SLC36A1: variants seen among roughly 807,000 people sequenced by gnomAD.
SLC36A1 encodes proton-coupled amino acid transporter 1.
SLC36A1 carries 30 observed loss-of-function variants against 47.5 expected under a neutral mutation model. The observed-to-expected ratio is 0.63, with a 90% CI of 0.47 to 0.86. The LOEUF is 0.86. SLC36A1 is among the 40% of genes least tolerant of loss of function. The pLI is 0.00. For synonymous variants in SLC36A1, 255 were observed against 249.7 expected (o/e 1.02, Z -0.20); for missense variants, 517 against 606.0 (o/e 0.85, Z 1.54).
chr5:151,382,812 C>A, the SLC36A1 span, among the ~76,000 whole-genome samples: 1 of 152,148 alleles, frequency 6.6e-6, no homozygotes, highest in Non-Finnish European at 1.5e-5. Flanking sequence ...GTTAGTTGAG[C>A]CATCTTTCAC....
chr5:151,550,197 T>C, the SLC36A1 span, among the ~76,000 whole-genome samples: 1 of 152,176 alleles, frequency 6.6e-6, no homozygotes, highest in Non-Finnish European at 1.5e-5. Context: ...GAGTGAGCCC[T>C]CCTTACATTT....
At chr5:151,396,166 A>T in the SLC36A1 span, among the ~76,000 whole-genome samples, 1 of 149,950 alleles carries the variant, frequency 6.7e-6, no homozygotes, top group African/African-American at 2.5e-5. Flanking sequence ...ATATATATAT[A>T]TTTTGGCACA....
downstream of SLC36A1, among the ~76,000 whole-genome samples, chr5:151,496,180 G>A (rs372962443): frequency 6.6e-5 from 10 of 152,118 alleles, no homozygotes; most frequent in East Asian, 1.9e-4. Context: ...TAAGTCTCAC[G>A]AGATCTGATG....
chr5:151,544,948 A>G, the SLC36A1 span: 16 of 1,614,192 alleles, frequency 9.9e-6, no homozygotes, highest in Middle Eastern at 1.6e-4. Context: ...GACATCCTCA[A>G]TAGAGACTCT....
At chr5:151,521,584 C>G in the SLC36A1 span, 1 of 1,614,210 alleles carries the variant, frequency 6.2e-7, no homozygotes, top group Non-Finnish European at 8.5e-7. Flanking sequence ...AGGCTGGAGG[C>G]TGGCCAAGTG....
chr5:151,505,122 C>G, the SLC36A1 span: 1 of 259,740 alleles, frequency 3.9e-6, no homozygotes, highest in South Asian at 4.2e-5. Context: ...TCTGTACGGC[C>G]CGCGTAGTGG....
chr5:151,475,267 G>A (rs534823760), intron 8 of SLC36A1, among the ~76,000 whole-genome samples: 1 of 152,318 alleles, frequency 6.6e-6, no homozygotes, highest in East Asian at 1.9e-4. Flanking sequence ...AGGTTCTTGG[G>A]CATCCTAAGG....
the SLC36A1 span, among the ~76,000 whole-genome samples, chr5:151,410,586 A>G: frequency 6.9e-6 from 1 of 144,842 alleles, no homozygotes; most frequent in Non-Finnish European, 1.5e-5. Flanking sequence ...TATCAATATC[A>G]TAGTCTGAAA....
At chr5:151,403,560 GC>G in the SLC36A1 span, among the ~76,000 whole-genome samples, 1 of 152,064 alleles carries the variant, frequency 6.6e-6, no homozygotes, top group African/African-American at 2.4e-5. Flanking sequence ...GTTCCCTGAG[GC>G]CTCCCCAGAA....
the SLC36A1 span, among the ~76,000 whole-genome samples, chr5:151,379,442 T>C: frequency 6.6e-6 from 1 of 152,254 alleles, no homozygotes; most frequent in African/African-American, 2.4e-5. Flanking sequence ...CAAGCGATTC[T>C]CCTGCCTCAG....
chr5:151,463,682 T>C (rs1755915699), intron 3 of SLC36A1, 39 bp downstream of exon 3: 1 of 1,475,930 alleles, frequency 6.8e-7, no homozygotes, highest in Non-Finnish European at 9.5e-7. Context: ...GGTGACAAAT[T>C]TTAGGAGGTA....
chr5:151,399,341 C>A, the SLC36A1 span, among the ~76,000 whole-genome samples: 1 of 151,810 alleles, frequency 6.6e-6, no homozygotes, highest in African/African-American at 2.4e-5. Context: ...CCCACCTCGG[C>A]CTCTCAAAGT....
intron 8 of SLC36A1, among the ~76,000 whole-genome samples, chr5:151,474,666 G>A (rs779120175): frequency 2.6e-5 from 4 of 151,998 alleles, no homozygotes; most frequent in African/African-American, 7.2e-5. Context: ...TATTTTCTGC[G>A]TGCAAAAGAG....
At chr5:151,383,571 ATT>A in the SLC36A1 span, among the ~76,000 whole-genome samples, 14 of 132,394 alleles carry the variant, frequency 1.1e-4, no homozygotes, top group Admixed American at 2.3e-4. Flanking sequence ...TTTAACTTAA[ATT>A]TTTTTTTTTT....
chr5:151,542,889 T>A, the SLC36A1 span: 1 of 1,614,214 alleles, frequency 6.2e-7, no homozygotes. Flanking sequence ...TTATGACCCC[T>A]GTGTCTGGGT....
At chr5:151,413,485 T>C in the SLC36A1 span, among the ~76,000 whole-genome samples, 2 of 152,160 alleles carry the variant, frequency 1.3e-5, no homozygotes, top group Admixed American at 1.3e-4. Context: ...AATATCATAG[T>C]CTGAAAAATT....
chr5:151,517,359 C>T, the SLC36A1 span, among the ~76,000 whole-genome samples: 1 of 152,226 alleles, frequency 6.6e-6, no homozygotes, highest in East Asian at 1.9e-4. Context: ...TAGTTGACCT[C>T]ATCCATCTCC....
intron 2 of SLC36A1, 50 bp downstream of exon 2, chr5:151,458,985 G>A: frequency 6.4e-7 from 1 of 1,556,604 alleles, no homozygotes; most frequent in Non-Finnish European, 8.7e-7. Flanking sequence ...GTGTTCCTAA[G>A]CCTCCCTTGG....
chr5:151,497,585 C>T, the SLC36A1 span, among the ~76,000 whole-genome samples: 1 of 152,132 alleles, frequency 6.6e-6, no homozygotes, highest in East Asian at 1.9e-4. Context: ...CTATTTTTGG[C>T]ATAAGGGTAC....
Sources: gnomAD v4.1 joint callset for allele counts (sites outside exome capture counted in the v4.1 genomes callset) on GRCh38, gnomAD v4.1.1 for gene constraint, MANE v1.5 for transcripts, NCBI Gene and HGNC (gene_info 2026-07-23, HGNC 2026-07-21) for gene names.